The following AP1S1 variants were observed in gnomAD, a reference collection of about 807,000 sequenced individuals.
AP1S1 encodes AP-1 complex subunit sigma-1A.
In AP1S1, 13 loss-of-function variants were observed where a neutral mutation model predicts 23.9. The observed-to-expected ratio is 0.54, with a 90% CI of 0.35 to 0.86. The LOEUF is 0.86. AP1S1 is among the 40% of genes least tolerant of loss of function. The pLI is 0.01. For missense variants in AP1S1, 119 were observed against 197.6 expected (o/e 0.60, Z 2.38); for synonymous variants, 84 against 77.7 (o/e 1.08, Z -0.43).
rs1027318595 is a variant in AP1S1 at position 101,160,625 on chromosome 7, TCTC to T, written c.*63_*65del. 1.5e-5 allele frequency: 23 copies of T among 1,575,140 alleles called. No individual in the cohort carries two copies. In the African/African-American group the frequency reaches 2.2e-4, roughly 15 times the overall value. ...TGGCAGCGTGGCGGGAACGGCTGCT[TCTC>T]CTCTGCCCAGGGCCCTGTTCTTGGT... is the stretch of plus-strand genomic sequence containing the variant. On this transcript the variant is annotated 3_prime_UTR_variant, in exon 5 of 5. Coordinates refer to ENST00000337619, the MANE Select transcript of AP1S1 (RefSeq NM_001283.5).
chr7:101,157,440 G>C lies in AP1S1; in HGVS notation c.246G>C (p.Glu82Asp). 3 of 1,579,036 alleles carry C rather than the reference G, an allele frequency of 1.9e-6. No homozygotes were observed. Among genetic ancestry groups the C allele is most frequent in the Non-Finnish European group, 2.6e-6 (3 of 1,162,230 alleles). ...EGQDNELITL[E>D]LIHRYVELLD... ...AAGACAATGAGCTCATCACACTGGA[G>C]CTGATCCACCGATACGTGGAGCTCT... The change falls in exon 3 of 5, where the codon GAG (glutamate) becomes GAC (aspartate). Residue 82 changes from glutamate (E) to aspartate (D), a missense_variant. Coordinates refer to ENST00000337619, the MANE Select transcript of AP1S1 (RefSeq NM_001283.5).
intron 4 of AP1S1, 143 bp downstream of exon 4, chr7:101,159,339 C>G (rs1248287531): frequency 8.0e-6 from 10 of 1,254,826 alleles, no homozygotes; most frequent in African/African-American, 1.5e-5. Context: ...CCACGCCCAG[C>G]TCTCCAGCTT....
At chr7:101,156,517 AAGT>A in intron 1 of AP1S1, 74 bp from the exon 2 acceptor site, 1 of 1,491,384 alleles carries the variant, frequency 6.7e-7, no homozygotes, top group Non-Finnish European at 9.1e-7. Flanking sequence ...TGTTGGAAGA[AAGT>A]AGAGAAGAAT....
At chr7:101,154,700 G>T in intron 1 of AP1S1, 183 bp downstream of exon 1, 1 of 682,840 alleles carries the variant, frequency 1.5e-6, no homozygotes, top group Non-Finnish European at 2.2e-6. Flanking sequence ...GCATTCGGGA[G>T]AGGGGCGGGG....
intron 2 of AP1S1, 72 bp downstream of exon 2, chr7:101,156,844 T>C: frequency 1.4e-6 from 2 of 1,380,406 alleles, no homozygotes; most frequent in Non-Finnish European, 1.9e-6. Flanking sequence ...TGAGAAATGG[T>C]CGTCCTGTAG....
Position 101,157,359 on chromosome 7 carries a change from A to T in AP1S1, c.183-18A>T. 1 of 1,537,856 alleles carries T rather than the reference A, an allele frequency of 6.5e-7. No homozygotes were observed. Among genetic ancestry groups the T allele is most frequent in the Non-Finnish European group, 8.8e-7 (1 of 1,134,070 alleles). ...TGAAGCAAGCTTGTAGCGATGTCTC[A>T]TGCGCTCCTCTCCGCAGATATGCCA... On this transcript the variant is annotated intron_variant, in intron 2 of 4. Transcript: ENST00000337619.
At chr7:101,154,789 C>T (rs1796964418) in intron 1 of AP1S1, 1 of 771,418 alleles carries the variant, frequency 1.3e-6, no homozygotes, top group Non-Finnish European at 1.9e-6. Flanking sequence ...GCGCTCTGGT[C>T]TTGGCCCCTG....
At chr7:101,158,641 C>T (rs1047207198) in intron 3 of AP1S1, among the ~76,000 whole-genome samples, 1 of 152,252 alleles carries the variant, frequency 6.6e-6, no homozygotes, top group Non-Finnish European at 1.5e-5. Flanking sequence ...GTGGCTCACG[C>T]CTGTGATCCC....
At chr7:101,156,113 TC>T (rs2116685795) in intron 1 of AP1S1, among the ~76,000 whole-genome samples, 1 of 152,158 alleles carries the variant, frequency 6.6e-6, no homozygotes, top group South Asian at 2.1e-4. Context: ...GTGACTGTAA[TC>T]CCAGCTACTC....
At position 101,156,211 on chromosome 7, in the gene AP1S1, G is replaced by A. The variant is rs1045081109; in HGVS notation, c.4-383G>A. On this transcript the variant is annotated intron_variant, in intron 1 of 4. Transcript: ENST00000337619. ...TGCGCCACTGCACTCCAGCCTGGGC[G>A]ACAGAGAGAGACTCTGTCTCAAAAA... Among the ~76,000 whole-genome samples the A allele has an allele frequency of 2.0e-5, 3 of 152,120 alleles. No individual in the cohort carries two copies. In the East Asian group the frequency reaches 5.8e-4, roughly 29 times the overall value.
intron 1 of AP1S1, chr7:101,156,354 A>G (rs535673317): frequency 4.2e-5 from 20 of 472,892 alleles, no homozygotes; most frequent in African/African-American, 3.5e-4. Flanking sequence ...CATTTTACAC[A>G]TAAGGAAACT....
chr7:101,160,395 C>T, intron 4 of AP1S1, 124 bp from the exon 5 acceptor site: 2 of 1,200,224 alleles, frequency 1.7e-6, no homozygotes, highest in Admixed American at 3.8e-5. Flanking sequence ...CTCACATTGG[C>T]TTCTCTCCCC....
chr7:101,158,749 A>T (rs1029298549), intron 3 of AP1S1, among the ~76,000 whole-genome samples: 16 of 152,128 alleles, frequency 1.1e-4, no homozygotes, highest in African/African-American at 3.4e-4. Context: ...AAAATATTTT[A>T]AAAATGAGGT....
chr7:101,155,611 G>A (rs1226988147), intron 1 of AP1S1, among the ~76,000 whole-genome samples: 1 of 152,212 alleles, frequency 6.6e-6, no homozygotes, highest in African/African-American at 2.4e-5. Context: ...CAGAGAGGAA[G>A]ATAGGATTTG....
intron 1 of AP1S1, among the ~76,000 whole-genome samples, chr7:101,155,212 C>T (rs1373973977): frequency 6.6e-6 from 1 of 152,038 alleles, no homozygotes; most frequent in Non-Finnish European, 1.5e-5. Context: ...CTCTTTTCCC[C>T]TCCACCAAAA....
intron 1 of AP1S1, among the ~76,000 whole-genome samples, chr7:101,155,362 C>T (rs529767484): frequency 6.6e-6 from 1 of 152,178 alleles, no homozygotes; most frequent in African/African-American, 2.4e-5. Flanking sequence ...GGCCCAGACC[C>T]CCCGGAACTG....
At position 101,157,402 on chromosome 7, in the gene AP1S1, G is replaced by A; in HGVS notation, c.208G>A (p.Ala70Thr). The change falls in exon 3 of 5, where the codon GCC (alanine) becomes ACC (threonine). Residue 70 changes from alanine (A) to threonine (T), a missense_variant. Transcript: ENST00000337619. The part of the protein sequence containing the change: ...KRYASLYFCC[A>T]IEGQDNELIT... ...ATATGCCAGCCTCTACTTCTGCTGC[G>A]CCATCGAGGGCCAAGACAATGAGCT... The A allele has an allele frequency of 3.8e-6, 6 of 1,579,006 alleles. No homozygotes were observed. The highest frequency in any genetic ancestry group is 5.2e-6 in the Non-Finnish European group (6 of 1,162,426).
rs1458307669 is a variant in AP1S1, at chr7:101,160,801, A to G, written c.*235A>G. 2 of 695,686 alleles carry G rather than the reference A, an allele frequency of 2.9e-6. No individual in the cohort carries two copies. The highest frequency in any genetic ancestry group is 5.2e-6 in the Non-Finnish European group (2 of 383,120). The allele number at this position is 695,686 out of a possible 1,614,324, so 43.1% of individuals were successfully genotyped here. The stretch of plus-strand genomic sequence containing the variant: ...AGAAGCTAGGAGGCAGGAAAATGTG[A>G]CCCAGATGGGGGTGCTATTTGGCTT... On this transcript the variant is annotated 3_prime_UTR_variant, in exon 5 of 5. Coordinates refer to ENST00000337619, the MANE Select transcript of AP1S1 (RefSeq NM_001283.5).
chr7:101,155,569 GAA>G (rs1796979864), intron 1 of AP1S1, among the ~76,000 whole-genome samples: 1 of 152,212 alleles, frequency 6.6e-6, no homozygotes, highest in Non-Finnish European at 1.5e-5. Context: ...AAGTTAAAGA[GAA>G]ATGTCGAAGA....
Sources: allele counts gnomAD v4.1 joint callset (sites outside exome capture counted in the v4.1 genomes callset), GRCh38; gene constraint gnomAD v4.1.1; transcripts MANE v1.5; gene names NCBI Gene and HGNC (gene_info 2026-07-23, HGNC 2026-07-21).